KAZN: variants seen among roughly 807,000 people sequenced by gnomAD.
KAZN encodes the protein kazrin.
KAZN carries 40 observed loss-of-function variants against 87.4 expected under a neutral mutation model. The observed-to-expected ratio is 0.46, with a 90% CI of 0.36 to 0.60. The LOEUF (loss-of-function observed/expected upper bound fraction) is 0.60. KAZN is among the 20% of genes least tolerant of loss of function. The pLI is 0.00. For synonymous variants in KAZN, 466 were observed against 458.3 expected (o/e 1.02, Z -0.22); for missense variants, 898 against 1,073.9 (o/e 0.84, Z 2.29).
chr1:14,179,249 TC>T lies in KAZN; in HGVS notation c.92-1184del, dbSNP rs553813762. ...CTGGAAATCCTAGCTAACTTAGTCTTCCTGATCTCCAGCTCCTTAATTCAGT... is the reference window on the plus strand; with the variant it reads ...CTGGAAATCCTAGCTAACTTAGTCTTCTGATCTCCAGCTCCTTAATTCAGT... On this transcript the variant is annotated intron_variant, in intron 1 of 16. Coordinates refer to the KAZN transcript ENST00000636203. Among the ~76,000 whole-genome samples, 6 of 152,192 alleles carry T rather than the reference TC, an allele frequency of 3.9e-5. No individual in the cohort carries two copies. In the East Asian group the frequency reaches 9.6e-4, roughly 24 times the overall value.
At chr1:14,741,664 G>T (rs1450950875) in intron 1 of KAZN, among the ~76,000 whole-genome samples, 2 of 152,258 alleles carry the variant, frequency 1.3e-5, no homozygotes, top group East Asian at 3.9e-4. Flanking sequence ...AGGGAGAAGG[G>T]GCACTTCCCC....
chr1:14,469,680 G>A (rs896769806), intron 2 of KAZN, among the ~76,000 whole-genome samples: 2 of 152,186 alleles, frequency 1.3e-5, no homozygotes, highest in Admixed American at 1.3e-4. Flanking sequence ...AAGGCAGATG[G>A]TAGGTATATT....
At chr1:14,264,113 T>C (rs1651291575) in intron 2 of KAZN, among the ~76,000 whole-genome samples, 1 of 152,192 alleles carries the variant, frequency 6.6e-6, no homozygotes, top group African/African-American at 2.4e-5. Flanking sequence ...ACAGTGTGAG[T>C]CAGCTGGGTC....
intron 1 of KAZN, among the ~76,000 whole-genome samples, chr1:14,127,466 G>A (rs1173818286): frequency 2.0e-5 from 3 of 149,206 alleles, no homozygotes; most frequent in South Asian, 2.1e-4. Flanking sequence ...ACCTAACACT[G>A]GAGCCGTGGT....
At chr1:14,095,530 T>A (rs1644107772) in intron 1 of KAZN, among the ~76,000 whole-genome samples, 2 of 152,190 alleles carry the variant, frequency 1.3e-5, no homozygotes, top group South Asian at 4.1e-4. Context: ...CTCCACAATG[T>A]CTGGGGATCC....
intron 1 of KAZN, among the ~76,000 whole-genome samples, chr1:14,734,081 A>G (rs958725792): frequency 1.3e-5 from 2 of 152,288 alleles, no homozygotes; most frequent in Non-Finnish European, 2.9e-5. Flanking sequence ...TCACAGTCCA[A>G]GGAACTTTGG....
At chr1:14,684,639 A>G (rs138381740) in intron 1 of KAZN, among the ~76,000 whole-genome samples, 1,587 of 152,308 alleles carry the variant, frequency 0.01, 16 homozygotes, top group South Asian at 0.056. Context: ...TAGCTTCTAG[A>G]GGCTGCCTGT....
intron 1 of KAZN, among the ~76,000 whole-genome samples, chr1:14,046,567 T>A (rs566787441): frequency 1.2e-4 from 18 of 152,312 alleles, no homozygotes; most frequent in African/African-American, 4.1e-4. Context: ...GCATAGAACT[T>A]GCTTGCAGAG....
intron 1 of KAZN, among the ~76,000 whole-genome samples, chr1:14,012,180 G>T (rs1353274169): frequency 6.6e-6 from 1 of 151,094 alleles, no homozygotes; most frequent in African/African-American, 2.4e-5. Context: ...GTAAATCAAA[G>T]ATACATCATG....
intron 1 of KAZN, among the ~76,000 whole-genome samples, chr1:14,704,966 C>T (rs1269461571): frequency 1.3e-5 from 2 of 152,210 alleles, no homozygotes; most frequent in Non-Finnish European, 1.5e-5. Flanking sequence ...TTATAGCCCC[C>T]AGTTAGTGCA....
intron 2 of KAZN, among the ~76,000 whole-genome samples, chr1:14,365,905 A>G (rs1659957273): frequency 3.3e-5 from 5 of 152,150 alleles, no homozygotes; most frequent in Non-Finnish European, 5.9e-5. Flanking sequence ...GCTAATAATA[A>G]CGACTCAAAA....
intron 1 of KAZN, among the ~76,000 whole-genome samples, chr1:14,003,668 C>T (rs1268865641): frequency 6.6e-6 from 1 of 152,042 alleles, no homozygotes; most frequent in Non-Finnish European, 1.5e-5. Context: ...AGTTAACTGG[C>T]TATTTATATG....
chr1:14,019,870 G>C (rs914348213), intron 1 of KAZN, among the ~76,000 whole-genome samples: 2 of 152,108 alleles, frequency 1.3e-5, no homozygotes, highest in East Asian at 3.9e-4. Flanking sequence ...ATGGATGGCT[G>C]TCGGGGGATG....
rs544514159 is a variant in KAZN at position 14,054,621 on chromosome 1, C to T, written c.92-125814C>T. Among the ~76,000 whole-genome samples, 3 of 152,258 alleles carry T rather than the reference C, an allele frequency of 2.0e-5. No individual in the cohort carries two copies. The East Asian group carries it at 5.8e-4, about 29-fold the overall frequency. ...TATTCCACTTTAATAAAAGAGATGA[C>T]ATAAGGACCTGGAAAATGATACATT... On this transcript the variant is annotated intron_variant, in intron 1 of 16. Coordinates refer to the KAZN transcript ENST00000636203.
chr1:14,770,729 G>A (rs1644997104), intron 1 of KAZN, among the ~76,000 whole-genome samples: 1 of 152,160 alleles, frequency 6.6e-6, no homozygotes. Context: ...CATACAAAAA[G>A]TGGTCAAAGT....
At chr1:14,282,900 C>T (rs781669308) in intron 2 of KAZN, among the ~76,000 whole-genome samples, 4 of 152,094 alleles carry the variant, frequency 2.6e-5, no homozygotes, top group African/African-American at 4.8e-5. Flanking sequence ...GGGAAAGAAA[C>T]GAGAGAGGAT....
In KAZN at chr1:14,944,880, A is replaced by G. The variant is rs551914435; in HGVS notation, c.227-15804A>G. ...ATGGCGGCACCATCCTGTTCTGGGC[A>G]GGGCAGGAGGCCTCTTGCCCGCCTG... is the stretch of plus-strand genomic sequence containing the variant. On this transcript the variant is annotated intron_variant, in intron 1 of 14. Transcript: ENST00000376030. Among the ~76,000 whole-genome samples the G allele has an allele frequency of 4.6e-5, 7 of 152,338 alleles. 1 individual carries two copies. The highest frequency in any genetic ancestry group is 1.7e-4 in the African/African-American group (7 of 41,582).
chr1:14,565,262 T>A (rs1674487492), intron 2 of KAZN, among the ~76,000 whole-genome samples: 1 of 152,214 alleles, frequency 6.6e-6, no homozygotes, highest in African/African-American at 2.4e-5. Context: ...AACATGAATG[T>A]CATCATAAAG....
Position 15,056,383 on chromosome 1 carries a change from C to A in KAZN, c.916+103C>A. The stretch of plus-strand genomic sequence containing the variant: ...AGCTGCTTTGTTCGTACTACAGCAG[C>A]TTGGGGGCGTGGGACAGAGACCTTG... On this transcript the variant is annotated intron_variant, in intron 5 of 14. Coordinates refer to ENST00000376030, the MANE Select transcript of KAZN (RefSeq NM_201628.3). This position sits in a 1 kb window ranked among gnomAD's most constrained non-coding sequence, Gnocchi z 5.4. The A allele has an allele frequency of 5.8e-6, 7 of 1,213,200 alleles. No homozygotes were observed. The highest frequency in any genetic ancestry group is 6.8e-6 in the Non-Finnish European group (6 of 884,050). The allele number at this position is 1,213,200 out of a possible 1,614,324, so 75.2% of individuals were successfully genotyped here.
Sources: gnomAD v4.1 joint callset for allele counts (sites outside exome capture counted in the v4.1 genomes callset) on GRCh38, gnomAD v4.1.1 for gene constraint, Gnocchi (gnomAD v3.1) non-coding constraint, MANE v1.5 for transcripts, NCBI Gene and HGNC (gene_info 2026-07-23, HGNC 2026-07-21) for gene names.